Variants in ZC3H13 observed in about 807,000 individuals in gnomAD.
The protein encoded by ZC3H13 is zinc finger CCCH-type containing 13.
A neutral mutation model predicts 204.1 loss-of-function variants in ZC3H13; 64 were observed. The ratio of observed to expected loss-of-function variants is 0.31; its 90% CI spans 0.26 to 0.39. The LOEUF (loss-of-function observed/expected upper bound fraction) is 0.39, where lower values mean the gene tolerates loss of function less well. ZC3H13 is among the 10% of genes least tolerant of loss of function. ZC3H13 has a pLI of 1.00. For missense variants in ZC3H13, 1,833 were observed against 2,082.7 expected, an observed-to-expected ratio of 0.88 and a Z score of 2.33; for synonymous variants, 667 against 693.7, an observed-to-expected ratio of 0.96 and a Z score of 0.60.
intron 13 of ZC3H13, 93 bp downstream of exon 13, chr13:45,970,269 T>C: frequency 1.5e-6 from 2 of 1,376,506 alleles, no homozygotes; most frequent in East Asian, 4.6e-5. Context: ...TTTTTAAAAA[T>C]CTTAATTCAT....
chr13:46,011,917 A>G (rs1032787575), intron 5 of ZC3H13, among the ~76,000 whole-genome samples: 3 of 152,178 alleles, frequency 2.0e-5, no homozygotes, highest in African/African-American at 4.8e-5. Flanking sequence ...GCTGTATACG[A>G]TGCGACTCAT....
intron 17 of ZC3H13, among the ~76,000 whole-genome samples, chr13:45,960,891 G>C (rs1015317981): frequency 3.3e-5 from 5 of 152,210 alleles, no homozygotes. Context: ...GCTGCAAAGT[G>C]TAAGTATTGA....
chr13:46,043,550 G>A (rs995330180), intron 3 of ZC3H13, among the ~76,000 whole-genome samples: 10 of 151,742 alleles, frequency 6.6e-5, no homozygotes, highest in African/African-American at 1.5e-4. Flanking sequence ...TACACACAGC[G>A]AATTCTCAAT....
chr13:46,047,495 A>C (rs990710219), intron 1 of ZC3H13, among the ~76,000 whole-genome samples: 4 of 152,208 alleles, frequency 2.6e-5, no homozygotes, highest in African/African-American at 7.2e-5. Flanking sequence ...TAGCATTATA[A>C]GATAATCTTT....
chr13:46,004,140 CTG>C (rs113622879), intron 7 of ZC3H13, among the ~76,000 whole-genome samples: 7 of 149,536 alleles, frequency 4.7e-5, no homozygotes, highest in Admixed American at 1.3e-4. Context: ...AATGGTAACT[CTG>C]TGTGTGTGTG....
In ZC3H13 at chr13:46,011,698, A is replaced by C. The variant is rs571134118; in HGVS notation, c.449-144T>G. 2.8e-5 allele frequency: 14 copies of C among 497,914 alleles called. No homozygotes were observed. The East Asian group carries it at 5.1e-4, about 18-fold the overall frequency. The allele number at this position is 497,914 out of a possible 1,614,324, so 30.8% of individuals were successfully genotyped here. On this transcript the variant is annotated intron_variant, in intron 5 of 18. Coordinates refer to ENST00000679008, the MANE Select transcript of ZC3H13 (RefSeq NM_001330564.2). The stretch of plus-strand genomic sequence containing the variant: ...ATCACATACTTCTAAAAGATAAAAG[A>C]AATAGATACCATTTCTATAAAGGAT...
chr13:45,968,721 G>C, intron 14 of ZC3H13, 27 bp downstream of exon 14: 1 of 1,548,252 alleles, frequency 6.5e-7, no homozygotes, highest in South Asian at 1.3e-5. Flanking sequence ...AGGAAACAGT[G>C]ACTAGATCAC....
At chr13:46,044,874 T>C (rs2043835768) in intron 3 of ZC3H13, 81 bp downstream of exon 3, 4 of 966,024 alleles carry the variant, frequency 4.1e-6, no homozygotes, top group Admixed American at 5.5e-5. Context: ...AATATATGGT[T>C]GTATTTCAGA....
At position 45,985,342 on chromosome 13, in the gene ZC3H13, G is replaced by A; in HGVS notation, c.1675C>T (p.Arg559Ter). The change falls in exon 10 of 19, where the codon CGA (arginine) becomes TGA (stop). Residue 559 changes from arginine to a stop codon, truncating the protein, a stop_gained. Coordinates refer to ENST00000679008, the MANE Select transcript of ZC3H13 (RefSeq NM_001330564.2). LOFTEE classifies it high-confidence loss of function. ...NESRSEIRND[R>*]MGRSRGRVPE... Reference sequence around the variant, plus strand: ...ACCCTCCCCCTACTTCGGCCCATTCGGTCATTTCTAATTTCACTTCGAGAC... The same window carrying A: ...ACCCTCCCCCTACTTCGGCCCATTCAGTCATTTCTAATTTCACTTCGAGAC... The A allele has an allele frequency of 1.2e-6, 2 of 1,614,024 alleles. No homozygotes were observed. Among genetic ancestry groups the A allele is most frequent in the Non-Finnish European group, 1.7e-6 (2 of 1,179,986 alleles).
intron 8 of ZC3H13, among the ~76,000 whole-genome samples, chr13:45,989,519 G>A (rs991462311): frequency 3.9e-5 from 6 of 152,212 alleles, no homozygotes; most frequent in African/African-American, 7.2e-5. Flanking sequence ...GTAAATTCAT[G>A]GCTATGGTAA....
In ZC3H13 at chr13:45,976,122, T is replaced by C; in HGVS notation, c.1913-284A>G. ...CAATCTTTGATCTTTCTCTGCATGCTCCCTACCCTACCTCCAGCCCACTGC... is the reference window on the plus strand; with the variant it reads ...CAATCTTTGATCTTTCTCTGCATGCCCCCTACCCTACCTCCAGCCCACTGC... On this transcript the variant is annotated intron_variant, in intron 11 of 18. Transcript: ENST00000679008. The C allele has an allele frequency of 4.2e-6, 4 of 946,754 alleles. No homozygotes were observed. In the South Asian group the frequency reaches 2.0e-4, roughly 46 times the overall value. The allele number at this position is 946,754 out of a possible 1,614,324, so 58.6% of individuals were successfully genotyped here. A position where few individuals can be genotyped will look rare whatever the true frequency, so the allele number is the denominator to read the frequency against.
chr13:45,991,149 C>T (rs1358153553), intron 8 of ZC3H13, among the ~76,000 whole-genome samples: 1 of 152,126 alleles, frequency 6.6e-6, no homozygotes, highest in Non-Finnish European at 1.5e-5. Context: ...CTCCATTGAA[C>T]TGATATTTTG....
chr13:46,015,447 T>A (rs916546015), intron 5 of ZC3H13, among the ~76,000 whole-genome samples: 4 of 152,184 alleles, frequency 2.6e-5, no homozygotes, highest in Admixed American at 2.0e-4. Context: ...CATCTGTTTT[T>A]AACTTCTGCA....
intron 11 of ZC3H13, among the ~76,000 whole-genome samples, chr13:45,977,854 G>A (rs1953193919): frequency 6.6e-6 from 1 of 152,012 alleles, no homozygotes. Context: ...GGCAGTGAAA[G>A]GCAATTAAAA....
rs2043645711 is a variant in ZC3H13, at chr13:46,042,340, T to C, written c.228-65A>G. On this transcript the variant is annotated intron_variant, in intron 3 of 18. Coordinates refer to ENST00000679008, the MANE Select transcript of ZC3H13 (RefSeq NM_001330564.2). ...AAAACAACAAAAATCTGTATTTATA[T>C]ATTAATAACATTTTATAAGAATGTA... 5 of 1,037,990 alleles carry C rather than the reference T, an allele frequency of 4.8e-6. No individual in the cohort carries two copies. In the South Asian group the frequency reaches 6.4e-5, roughly 13 times the overall value. The allele number at this position is 1,037,990 out of a possible 1,614,324, so 64.3% of individuals were successfully genotyped here. A position where few individuals can be genotyped will look rare whatever the true frequency, so the allele number is the denominator to read the frequency against.
rs558858287 is a variant in ZC3H13, at chr13:45,955,132, T to C, written c.*1995A>G. ...AGTTATGAGATAGATGACCTTTTAA[T>C]TGTACTAGCAAACAATTTATAGACT... On this transcript the variant is annotated 3_prime_UTR_variant, in exon 19 of 19. Transcript: ENST00000679008. The C allele has an allele frequency of 9.2e-5, 14 of 152,320 alleles. No individual in the cohort carries two copies. In the South Asian group the frequency reaches 2.9e-3, roughly 32 times the overall value. The allele number at this position is 152,320 out of a possible 1,614,324, so 9.4% of individuals were successfully genotyped here.
chr13:46,008,067 TTTTAA>T (rs1341193836), intron 7 of ZC3H13, among the ~76,000 whole-genome samples: 6 of 151,928 alleles, frequency 3.9e-5, no homozygotes. Flanking sequence ...AAAGTGTAAG[TTTTAA>T]TTTGTCAGTA....
intron 9 of ZC3H13, among the ~76,000 whole-genome samples, chr13:45,986,181 A>G (rs1954174372): frequency 1.3e-5 from 2 of 152,250 alleles, no homozygotes; most frequent in South Asian, 4.1e-4. Flanking sequence ...TAAGCACTTT[A>G]GGGTAGCCTA....
intron 4 of ZC3H13, among the ~76,000 whole-genome samples, chr13:46,035,523 C>A (rs540342954): frequency 2.0e-5 from 3 of 152,270 alleles, no homozygotes; most frequent in South Asian, 2.1e-4. Flanking sequence ...CTCCGTACTA[C>A]ATATTCATTA....
Sources: allele counts gnomAD v4.1 joint callset (sites outside exome capture counted in the v4.1 genomes callset), GRCh38; gene constraint gnomAD v4.1.1; transcripts MANE v1.5; gene names NCBI Gene and HGNC (gene_info 2026-07-23, HGNC 2026-07-21).